ADGRV1: variants seen among roughly 807,000 people sequenced by gnomAD.
ADGRV1 encodes the protein adhesion G protein-coupled receptor V1.
A neutral mutation model predicts 596.2 loss-of-function variants in ADGRV1; 359 were observed. The observed-to-expected ratio is 0.60, with a 90% CI of 0.55 to 0.66. The LOEUF is 0.66. Ranked by LOEUF, ADGRV1 falls within the 30% of genes least tolerant of loss-of-function variation. ADGRV1 has a pLI of 0.00. For missense variants in ADGRV1, 7,274 were observed against 7,575.6 expected (o/e 0.96, Z 1.48); for synonymous variants, 2,681 against 2,679.2 (o/e 1.00, Z -0.02).
At chr5:90,896,517 G>C (rs1340656952) in intron 83 of ADGRV1, among the ~76,000 whole-genome samples, 1 of 151,764 alleles carries the variant, frequency 6.6e-6, no homozygotes, top group Non-Finnish European at 1.5e-5. Flanking sequence ...TCAAGGGATT[G>C]ACCCCCCTCA....
Position 90,791,056 on chromosome 5 carries a change from C to A in ADGRV1, c.14227C>A (p.Leu4743Met). 6.2e-7 allele frequency: 1 copy of A among 1,613,938 alleles called. No homozygotes were observed. Among genetic ancestry groups the A allele is most frequent in the Non-Finnish European group, 8.5e-7 (1 of 1,179,886 alleles). The change falls in exon 70 of 90, where the codon CTG becomes ATG. Residue 4743 changes from leucine to methionine, a missense_variant. By Grantham distance (15) the Leu-to-Met change is conservative. Around this residue, in one of 5 missense-constraint regions of ADGRV1, gnomAD observed 1,874 missense variants for 1,970.2 expected, o/e 0.95. Coordinates refer to ENST00000405460, the MANE Select transcript of ADGRV1 (RefSeq NM_032119.4). ...TGTTTCTGTAGAGGGAGGAGCCGAA[C>A]TGGATCTGGAGAAGAGTATCACATG... ...QLVSVEGGAE[L>M]DLEKSITWFS...
chr5:90,677,446 A>T (rs1272931321), intron 25 of ADGRV1, among the ~76,000 whole-genome samples: 1 of 152,164 alleles, frequency 6.6e-6, no homozygotes, highest in Non-Finnish European at 1.5e-5. Flanking sequence ...TCTTCCAGAG[A>T]CAAGTCCTTG....
chr5:90,723,376 G>T (rs1008417591), intron 45 of ADGRV1, among the ~76,000 whole-genome samples: 1 of 152,048 alleles, frequency 6.6e-6, no homozygotes, highest in Non-Finnish European at 1.5e-5. Context: ...ATAGTGGTAT[G>T]GTTGTCTAGA....
In ADGRV1 at chr5:90,647,711, A is replaced by G; in HGVS notation, c.3236A>G (p.Asp1079Gly). 1 of 1,613,758 alleles carries G rather than the reference A, an allele frequency of 6.2e-7. No homozygotes were observed. Among genetic ancestry groups the G allele is most frequent in the African/African-American group, 1.3e-5 (1 of 75,050 alleles). ...QQSISIFVNEDGIPETDEPFY... is the reference protein window; with the variant it reads ...QQSISIFVNEGGIPETDEPFY... ...AGCATATCCATATTTGTTAATGAAG[A>G]TGGTATCCCGGAAACAGATGAGCCC... is the stretch of plus-strand genomic sequence containing the variant. Residue 1079 changes from aspartate (D) to glycine (G), a missense_variant, in exon 17 of 90, where the codon GAT becomes GGT. Transcript: ENST00000405460.
intron 83 of ADGRV1, among the ~76,000 whole-genome samples, chr5:90,934,048 A>G (rs997993395): frequency 6.6e-6 from 1 of 152,192 alleles, no homozygotes; most frequent in Admixed American, 6.5e-5. Context: ...AAAAGTAGCC[A>G]TGGGTTCTTA....
intron 1 of ADGRV1, among the ~76,000 whole-genome samples, chr5:90,567,412 A>G (rs548054297): frequency 2.0e-5 from 3 of 152,282 alleles, no homozygotes; most frequent in East Asian, 1.9e-4. Context: ...AACATTTGGT[A>G]GAATTCACCA....
At chr5:91,074,199 A>G (rs2126444599) in intron 86 of ADGRV1, among the ~76,000 whole-genome samples, 1 of 152,326 alleles carries the variant, frequency 6.6e-6, no homozygotes, top group East Asian at 1.9e-4. Context: ...GTTGAGAGGT[A>G]TATGTGCATG....
At chr5:90,915,989 G>A (rs979255486) in intron 83 of ADGRV1, among the ~76,000 whole-genome samples, 1 of 152,214 alleles carries the variant, frequency 6.6e-6, no homozygotes, top group Non-Finnish European at 1.5e-5. Context: ...AGAAGGGTAT[G>A]GGCAGAGAAT....
intron 1 of ADGRV1, among the ~76,000 whole-genome samples, chr5:90,581,996 C>A (rs188248466): frequency 4.4e-4 from 67 of 151,880 alleles, no homozygotes; most frequent in Non-Finnish European, 7.2e-4. Flanking sequence ...TAATTTGGAG[C>A]GGTTTTGTTG....
chr5:90,559,142 AG>A (rs1754476025), intron 1 of ADGRV1, among the ~76,000 whole-genome samples: 1 of 152,142 alleles, frequency 6.6e-6, no homozygotes. Context: ...AGGGAGCGTT[AG>A]GTTCCTGCAC....
intron 83 of ADGRV1, among the ~76,000 whole-genome samples, chr5:90,964,653 G>A (rs780844279): frequency 6.6e-6 from 1 of 151,360 alleles, no homozygotes; most frequent in Non-Finnish European, 1.5e-5. Flanking sequence ...AGGTGCTTGG[G>A]TTCCATTAGT....
intron 79 of ADGRV1, among the ~76,000 whole-genome samples, chr5:90,851,166 A>AGAGAGAGAGAGAGAAT: frequency 7.2e-6 from 1 of 139,344 alleles, no homozygotes; most frequent in Non-Finnish European, 1.6e-5. Flanking sequence ...AGAGAGAGAG[A>AGAGAGAGAGAGAGAAT]GAATGAATCT....
In ADGRV1 at chr5:90,924,029, A is replaced by G. The variant is rs553520187; in HGVS notation, c.17857-41386A>G. On this transcript the variant is annotated intron_variant, in intron 83 of 89. Transcript: ENST00000405460. ...CCACATTTTCTTAATCCAGTCTATCATTGTTGGACATTTGGGTTGGTTCCA... is the reference window on the plus strand; with the variant it reads ...CCACATTTTCTTAATCCAGTCTATCGTTGTTGGACATTTGGGTTGGTTCCA... Among the ~76,000 whole-genome samples the G allele has an allele frequency of 3.4e-3, 518 of 151,578 alleles. 4 individuals are homozygous for G. The highest frequency in any genetic ancestry group is 0.012 in the African/African-American group (497 of 41,064).
At position 90,683,866 on chromosome 5, in the gene ADGRV1, C is replaced by T; in HGVS notation, c.5945C>T (p.Ser1982Phe). The change falls in exon 28 of 90, where the codon TCT (serine) becomes TTT (phenylalanine). Residue 1982 changes from serine to phenylalanine, a missense_variant. Coordinates refer to ENST00000405460, the MANE Select transcript of ADGRV1 (RefSeq NM_032119.4). ...SDDPYGIFIF[S>F]EKNRPVKVEE... Reference sequence around the variant, plus strand: ...GATCCATATGGGATATTCATTTTTTCTGAGAAAAACAGACCTGTTAAAGTT... The same window carrying T: ...GATCCATATGGGATATTCATTTTTTTTGAGAAAAACAGACCTGTTAAAGTT... 1 of 1,613,384 alleles carries T rather than the reference C, an allele frequency of 6.2e-7. No homozygotes were observed. The highest frequency in any genetic ancestry group is 8.5e-7 in the Non-Finnish European group (1 of 1,179,652).
intron 85 of ADGRV1, among the ~76,000 whole-genome samples, chr5:91,014,472 C>A (rs1009634132): frequency 1.6e-4 from 24 of 151,848 alleles, no homozygotes; most frequent in African/African-American, 5.3e-4. Context: ...CTTTGTACAT[C>A]TGGTAGAATT....
At chr5:91,094,392 G>A (rs1033950154) in intron 86 of ADGRV1, among the ~76,000 whole-genome samples, 5 of 151,138 alleles carry the variant, frequency 3.3e-5, no homozygotes, top group African/African-American at 1.2e-4. Flanking sequence ...CCAGGAGGCA[G>A]ATGTTGCAGT....
Position 90,778,874 on chromosome 5 carries a change from A to G in ADGRV1, c.12859A>G (p.Thr4287Ala). The G allele has an allele frequency of 6.2e-7, 1 of 1,610,832 alleles. No individual in the cohort carries two copies. Among genetic ancestry groups the G allele is most frequent in the Non-Finnish European group, 8.5e-7 (1 of 1,177,416 alleles). ...AATGCATTTTGCATAGGTTAACATCACAATCATCCGTTCCAGTGGAGATTT... is the reference window on the plus strand; with the variant it reads ...AATGCATTTTGCATAGGTTAACATCGCAATCATCCGTTCCAGTGGAGATTT... Reference protein sequence around the residue: ...RVSEAQRVNITIIRSSGDFGH... With the variant: ...RVSEAQRVNIAIIRSSGDFGH... Residue 4287 changes from threonine to alanine, a missense_variant, in exon 64 of 90, where the codon ACA (threonine) becomes GCA (alanine). By Grantham distance (58) the Thr-to-Ala change is moderately conservative (BLOSUM62 0). This residue lies in a region of ADGRV1 where 3,643 missense variants were observed against 3,809.2 expected (regional missense o/e 0.96). Transcript: ENST00000405460.
Position 90,657,993 on chromosome 5 carries a change from A to G in ADGRV1, c.4467A>G (p.Lys1489=). 1 of 1,613,962 alleles carries G rather than the reference A, an allele frequency of 6.2e-7. No individual in the cohort carries two copies. Among genetic ancestry groups the G allele is most frequent in the Non-Finnish European group, 8.5e-7 (1 of 1,179,862 alleles). ...AGGATGTGAGGTCCTATGAGCGGAA[A>G]CTGACGCTTGAAGAAATTTATGAAC... ...LMQDVRSYER[K]LTLEEIYELH... Residue 1489 remains lysine, a synonymous_variant, in exon 21 of 90, where the codon AAA becomes AAG. Coordinates refer to ENST00000405460, the MANE Select transcript of ADGRV1 (RefSeq NM_032119.4).
At chr5:90,976,322 G>GTATATATATATATATATA (rs70973719) in intron 84 of ADGRV1, among the ~76,000 whole-genome samples, 39 of 108,612 alleles carry the variant, frequency 3.6e-4, no homozygotes, top group African/African-American at 1.4e-3. Context: ...GTGTGTGTGT[G>GTATATATATATATATATA]TATATATATA....
Sources: allele counts gnomAD v4.1 joint callset (sites outside exome capture counted in the v4.1 genomes callset), GRCh38; gene constraint gnomAD v4.1.1; regional missense constraint gnomAD v4.1.1; transcripts MANE v1.5; gene names NCBI Gene and HGNC (gene_info 2026-07-23, HGNC 2026-07-21).